Variants in KIAA1671 observed in about 807,000 individuals in gnomAD.
The protein encoded by KIAA1671 is KIAA1671.
KIAA1671 carries 52 observed loss-of-function variants against 131.2 expected under a neutral mutation model. The observed-to-expected ratio is 0.40, with a 90% CI of 0.32 to 0.50. The LOEUF is 0.50. Ranked by LOEUF, KIAA1671 falls within the 20% of genes least tolerant of loss-of-function variation. The pLI, the probability that KIAA1671 is intolerant of heterozygous loss-of-function variation, is 0.73. For synonymous variants in KIAA1671, 1,003 were observed against 961.6 expected (o/e 1.04, Z -0.80); for missense variants, 2,360 against 2,364.2 (o/e 1.00, Z 0.04).
intron 6 of KIAA1671, chr22:25,054,985 C>T (rs1320539136): frequency 6.7e-6 from 1 of 149,268 alleles, no homozygotes; most frequent in Non-Finnish European, 1.5e-5. Flanking sequence ...TCCACGTGAC[C>T]CTCCTGGACA....
In KIAA1671 at chr22:25,185,080, G is replaced by T. The variant is rs1487521281; in HGVS notation, c.5303G>T (p.Gly1768Val). The T allele has an allele frequency of 6.4e-7, 1 of 1,551,604 alleles. No homozygotes were observed. The highest frequency in any genetic ancestry group is 1.2e-5 in the South Asian group (1 of 84,044). Reference sequence around the variant, plus strand: ...TCCCCCTTCCAGCCTGGGGTGCTGGGCAGTCGCGTGCTGCCTTCCAGCATG... The same window carrying T: ...TCCCCCTTCCAGCCTGGGGTGCTGGTCAGTCGCGTGCTGCCTTCCAGCATG... ...PKSPFQPGVLGSRVLPSSMDK... is the reference protein window; with the variant it reads ...PKSPFQPGVLVSRVLPSSMDK... Residue 1768 changes from glycine to valine, a missense_variant, in exon 11 of 13, where the codon GGC (glycine) becomes GTC (valine). Transcript: ENST00000358431.
chr22:25,147,119 C>T (rs1932893481), intron 6 of KIAA1671, among the ~76,000 whole-genome samples: 1 of 152,176 alleles, frequency 6.6e-6, no homozygotes, highest in Non-Finnish European at 1.5e-5. Flanking sequence ...GTCAAACATG[C>T]TGTCTGTGCC....
chr22:25,030,419 C>T (rs1926220064), intron 3 of KIAA1671, among the ~76,000 whole-genome samples: 1 of 151,984 alleles, frequency 6.6e-6, no homozygotes, highest in Non-Finnish European at 1.5e-5. Flanking sequence ...CCTGTAGTCC[C>T]AGCTACTCAG....
chr22:25,045,140 G>T (rs1048561750), intron 5 of KIAA1671, among the ~76,000 whole-genome samples: 5 of 151,878 alleles, frequency 3.3e-5, no homozygotes, highest in African/African-American at 1.2e-4. Flanking sequence ...CAGCCTGGGC[G>T]ACAGAGAGAG....
rs546365322 is a variant in KIAA1671 at position 25,119,099 on chromosome 22, G to T, written c.4531-51721G>T. ...GTCCATGAGGGCCAGGGCTTTGGCC[G>T]TCCTGGTTCACCTTGATATTGCCAG... On this transcript the variant is annotated intron_variant, in intron 6 of 12. Coordinates refer to ENST00000358431, the MANE Select transcript of KIAA1671 (RefSeq NM_001145206.2). Among the ~76,000 whole-genome samples, 4 of 152,118 alleles carry T rather than the reference G, an allele frequency of 2.6e-5. No individual in the cohort carries two copies. In the South Asian group the frequency reaches 8.3e-4, roughly 32 times the overall value.
At chr22:25,134,213 C>T (rs907026771) in intron 6 of KIAA1671, among the ~76,000 whole-genome samples, 12 of 152,110 alleles carry the variant, frequency 7.9e-5, no homozygotes, top group Non-Finnish European at 1.5e-4. Context: ...TGGATGTTTC[C>T]GGGAACACAG....
chr22:25,176,377 G>A (rs1934027633), intron 8 of KIAA1671: 1 of 152,232 alleles, frequency 6.6e-6, no homozygotes, highest in Non-Finnish European at 1.5e-5. Flanking sequence ...TTTCTCCAAA[G>A]TGGACCTAGG....
chr22:25,028,983 C>G lies in KIAA1671; in HGVS notation c.984C>G (p.Asp328Glu). ...GAGCAGCGTCCAAGCTGGACAGGGA[C>G]TGTTTGGTCAAGGCGGAGGCTCCTC... ...RPRAASKLDR[D>E]CLVKAEAPLH... Residue 328 changes from aspartate (D) to glutamate (E), a missense_variant, in exon 3 of 13, where the codon GAC becomes GAG. Transcript: ENST00000358431. 6.5e-7 allele frequency: 1 copy of G among 1,531,728 alleles called. No homozygotes were observed. Among genetic ancestry groups the G allele is most frequent in the Non-Finnish European group, 8.8e-7 (1 of 1,138,032 alleles). The allele number at this position is 1,531,728 out of a possible 1,614,324, so 94.9% of individuals were successfully genotyped here.
intron 1 of KIAA1671, among the ~76,000 whole-genome samples, chr22:24,957,641 T>G (rs930237877): frequency 6.6e-6 from 1 of 151,296 alleles, no homozygotes; most frequent in Non-Finnish European, 1.5e-5. Context: ...TGCGCTGTTA[T>G]GCCAGAATCT....
At chr22:25,002,724 G>C (rs1924544448) in intron 1 of KIAA1671, among the ~76,000 whole-genome samples, 2 of 152,072 alleles carry the variant, frequency 1.3e-5, no homozygotes, top group South Asian at 4.1e-4. Context: ...ACACTTGGAT[G>C]CTGTGACATT....
chr22:25,056,839 T>C (rs1602104033), intron 6 of KIAA1671: 1 of 137,252 alleles, frequency 7.3e-6, no homozygotes, highest in Admixed American at 7.4e-5. Context: ...AAAAAGGCAG[T>C]GAAGTGAGAT....
chr22:25,171,840 G>A (rs1014906032), intron 7 of KIAA1671, among the ~76,000 whole-genome samples: 1 of 152,154 alleles, frequency 6.6e-6, no homozygotes, highest in Non-Finnish European at 1.5e-5. Flanking sequence ...TGCTTCGTGG[G>A]TATCTGGTTT....
intron 6 of KIAA1671, chr22:25,058,199 T>G (rs1927957333): frequency 6.6e-6 from 1 of 152,186 alleles, no homozygotes. Context: ...GTTTTTTAAA[T>G]AGACTTGACT....
intron 6 of KIAA1671, among the ~76,000 whole-genome samples, chr22:25,093,712 CA>C: frequency 8.3e-6 from 1 of 120,572 alleles, no homozygotes; most frequent in Non-Finnish European, 1.6e-5. Context: ...CACACACACA[CA>C]CACACACACA....
Position 25,170,895 on chromosome 22 carries a change from A to C in KIAA1671, c.4606A>C (p.Ser1536Arg), listed in dbSNP as rs1475831586. 14 of 1,551,608 alleles carry C rather than the reference A, an allele frequency of 9.0e-6. No individual in the cohort carries two copies. Among genetic ancestry groups the C allele is most frequent in the Non-Finnish European group, 1.1e-5 (13 of 1,147,016 alleles). Residue 1536 changes from serine to arginine, a missense_variant, in exon 7 of 13, where the codon AGC becomes CGC. Coordinates refer to ENST00000358431, the MANE Select transcript of KIAA1671 (RefSeq NM_001145206.2). ...DTDTLVHEAGSQYGTWTEQCQ... is the reference protein window; with the variant it reads ...DTDTLVHEAGRQYGTWTEQCQ... ...TGACACCCTCGTGCACGAAGCCGGC[A>C]GCCAGTATGGGACGTGGACAGAGCA...
chr22:25,029,346 C>G lies in KIAA1671; in HGVS notation c.1347C>G (p.Thr449=). 6.4e-7 allele frequency: 1 copy of G among 1,550,538 alleles called. No homozygotes were observed. Among genetic ancestry groups the G allele is most frequent in the Non-Finnish European group, 8.7e-7 (1 of 1,146,386 alleles). Residue 449 remains threonine (T), a synonymous_variant, in exon 3 of 13, where the codon ACC becomes ACG. Coordinates refer to ENST00000358431, the MANE Select transcript of KIAA1671 (RefSeq NM_001145206.2). ...KCISLFREDS[T]LALAVGSESP... Reference sequence around the variant, plus strand: ...TCAGCCTGTTTCGGGAGGACAGCACCTTGGCCTTGGCAGTGGGGTCTGAAT... The same window carrying G: ...TCAGCCTGTTTCGGGAGGACAGCACGTTGGCCTTGGCAGTGGGGTCTGAAT...
chr22:25,142,106 C>T (rs557758565), intron 6 of KIAA1671, among the ~76,000 whole-genome samples: 34 of 152,322 alleles, frequency 2.2e-4, no homozygotes, highest in African/African-American at 6.3e-4. Flanking sequence ...CCAGTTTCCC[C>T]ATCAGGCACT....
intron 7 of KIAA1671, among the ~76,000 whole-genome samples, chr22:25,172,745 T>A (rs1396068749): frequency 6.6e-6 from 1 of 152,218 alleles, no homozygotes; most frequent in Admixed American, 6.5e-5. Context: ...ATTATTCCAA[T>A]GACCCAAGTG....
At chr22:25,170,775 A>C (rs1207387132) in intron 6 of KIAA1671, 45 bp from the exon 7 acceptor site, 56 of 1,533,652 alleles carry the variant, frequency 3.7e-5, no homozygotes, top group Non-Finnish European at 5.0e-5. Flanking sequence ...GGGGGTTCTG[A>C]GTACATTTCC....
Sources: gnomAD v4.1 joint callset for allele counts (sites outside exome capture counted in the v4.1 genomes callset) on GRCh38, gnomAD v4.1.1 for gene constraint, MANE v1.5 for transcripts, NCBI Gene and HGNC (gene_info 2026-07-23, HGNC 2026-07-21) for gene names.